Variants in GHR observed in about 807,000 individuals in gnomAD.
GHR encodes the protein growth hormone receptor.
Under a neutral mutation model 67.1 loss-of-function variants are expected in GHR, and 35 were observed. The observed-to-expected ratio is 0.52, with a 90% CI of 0.40 to 0.69. The LOEUF is 0.69. GHR is among the 30% of genes least tolerant of loss of function. The pLI, the probability that GHR is intolerant of heterozygous loss-of-function variation, is 0.00. For missense variants in GHR, 792 were observed against 764.6 expected, an observed-to-expected ratio of 1.04 and a Z score of -0.42; for synonymous variants, 272 against 269.1, an observed-to-expected ratio of 1.01 and a Z score of -0.10.
intron 3 of GHR, among the ~76,000 whole-genome samples, chr5:42,682,542 GT>G (rs1756937806): frequency 1.3e-5 from 2 of 152,280 alleles, no homozygotes; most frequent in Admixed American, 1.3e-4. Context: ...ACACTAAGGA[GT>G]TGGACTTTAG....
intron 1 of GHR, among the ~76,000 whole-genome samples, chr5:42,459,200 G>A (rs1366063566): frequency 1.3e-5 from 2 of 152,148 alleles, no homozygotes; most frequent in African/African-American, 4.8e-5. Flanking sequence ...AAAGACACAT[G>A]CATATGTATT....
At chr5:42,458,441 G>A (rs1280873755) in intron 1 of GHR, among the ~76,000 whole-genome samples, 3 of 151,272 alleles carry the variant, frequency 2.0e-5, no homozygotes, top group Non-Finnish European at 4.4e-5. Context: ...GAAGATTGAA[G>A]CTGGACCCCT....
chr5:42,507,490 C>G (rs926282284), intron 1 of GHR, among the ~76,000 whole-genome samples: 2 of 152,182 alleles, frequency 1.3e-5, no homozygotes, highest in Admixed American at 1.3e-4. Context: ...CTAGCAGCTT[C>G]AGTACTCAAG....
Position 42,434,087 on chromosome 5 carries a change from G to A in GHR, c.-12+10132G>A, listed in dbSNP as rs551543046. ...TTCTTTCTTAAACAATGTTCCAAGA[G>A]GCCTATTAAAGATGCCAACAATATG... On this transcript the variant is annotated intron_variant, in intron 1 of 9. Coordinates refer to ENST00000230882, the MANE Select transcript of GHR (RefSeq NM_000163.5). Among the ~76,000 whole-genome samples, 7 of 152,172 alleles carry A rather than the reference G, an allele frequency of 4.6e-5. No homozygotes were observed. In the South Asian group the frequency reaches 1.5e-3, roughly 32 times the overall value.
At chr5:42,514,157 G>C in intron 1 of GHR, 1 of 984,744 alleles carries the variant, frequency 1.0e-6, no homozygotes, top group Non-Finnish European at 1.2e-6. Flanking sequence ...GAATTCACTG[G>C]GCGCATCTTA....
intron 1 of GHR, among the ~76,000 whole-genome samples, chr5:42,445,781 T>G (rs1388667083): frequency 6.6e-6 from 1 of 152,232 alleles, no homozygotes; most frequent in African/African-American, 2.4e-5. Flanking sequence ...TCAGTATGCT[T>G]CGATAAGAAA....
intron 3 of GHR, among the ~76,000 whole-genome samples, chr5:42,683,829 T>G (rs953405305): frequency 3.3e-5 from 5 of 152,216 alleles, no homozygotes; most frequent in African/African-American, 4.8e-5. Context: ...CACCCATAAA[T>G]TTCCTATTTC....
chr5:42,516,396 G>GGT (rs1747238496), intron 1 of GHR, among the ~76,000 whole-genome samples: 1 of 152,170 alleles, frequency 6.6e-6, no homozygotes, highest in African/African-American at 2.4e-5. Flanking sequence ...CAGTGATTGT[G>GGT]GACCCCGGAG....
At chr5:42,656,758 C>T (rs978369317) in intron 3 of GHR, among the ~76,000 whole-genome samples, 1 of 152,140 alleles carries the variant, frequency 6.6e-6, no homozygotes, top group African/African-American at 2.4e-5. Flanking sequence ...TGCTCATGGA[C>T]ATTTACTTTA....
At chr5:42,449,037 C>T (rs1048264123) in intron 1 of GHR, among the ~76,000 whole-genome samples, 1 of 152,064 alleles carries the variant, frequency 6.6e-6, no homozygotes, top group African/African-American at 2.4e-5. Context: ...GTGAATATGG[C>T]CTTATAGTGT....
chr5:42,497,046 G>C (rs1008395319), intron 1 of GHR, among the ~76,000 whole-genome samples: 4 of 152,130 alleles, frequency 2.6e-5, no homozygotes, highest in Admixed American at 1.3e-4. Context: ...CTTAAGTTCT[G>C]CTACAGCCCC....
At chr5:42,643,472 A>G (rs572765026) in intron 3 of GHR, among the ~76,000 whole-genome samples, 1 of 152,240 alleles carries the variant, frequency 6.6e-6, no homozygotes, top group South Asian at 2.1e-4. Flanking sequence ...ACTATGCTCA[A>G]TGGTGTGGGC....
intron 2 of GHR, among the ~76,000 whole-genome samples, chr5:42,616,851 TAA>T (rs374189252): frequency 6.1e-4 from 93 of 152,120 alleles, no homozygotes; most frequent in African/African-American, 2.1e-3. Flanking sequence ...AGCATATTTT[TAA>T]AAGACAGTAA....
At chr5:42,688,236 A>G (rs1383459589) in intron 3 of GHR, among the ~76,000 whole-genome samples, 7 of 152,194 alleles carry the variant, frequency 4.6e-5, no homozygotes. Flanking sequence ...ACAACTGTCT[A>G]TGGTGTCCAT....
intron 2 of GHR, among the ~76,000 whole-genome samples, chr5:42,567,398 G>A (rs1409789404): frequency 6.6e-6 from 1 of 152,192 alleles, no homozygotes; most frequent in Non-Finnish European, 1.5e-5. Context: ...AAAACTTTGA[G>A]TTCCTGAGTG....
chr5:42,697,706 GA>G (rs1331139407), intron 5 of GHR, among the ~76,000 whole-genome samples: 1 of 152,172 alleles, frequency 6.6e-6, no homozygotes, highest in Non-Finnish European at 1.5e-5. Context: ...CATTGCCAAA[GA>G]CTTTGGCTTT....
At chr5:42,511,968 A>T (rs1747036691) in intron 1 of GHR, among the ~76,000 whole-genome samples, 1 of 152,200 alleles carries the variant, frequency 6.6e-6, no homozygotes, top group African/African-American at 2.4e-5. Flanking sequence ...AACAATTAAA[A>T]ATTAAGTCCA....
intron 3 of GHR, among the ~76,000 whole-genome samples, chr5:42,657,953 T>C (rs1340723972): frequency 6.6e-6 from 1 of 152,180 alleles, no homozygotes; most frequent in Non-Finnish European, 1.5e-5. Context: ...AGTCTTATTT[T>C]CCCAACCAGG....
intron 3 of GHR, among the ~76,000 whole-genome samples, chr5:42,656,284 A>G (rs560785171): frequency 1.3e-5 from 2 of 152,320 alleles, no homozygotes; most frequent in Admixed American, 6.5e-5. Flanking sequence ...TTTGTTTCCT[A>G]TTTTATATAA....
Sources: allele counts gnomAD v4.1 joint callset (sites outside exome capture counted in the v4.1 genomes callset), GRCh38; gene constraint gnomAD v4.1.1; transcripts MANE v1.5; gene names NCBI Gene and HGNC (gene_info 2026-07-23, HGNC 2026-07-21).